PPM1L: variants seen among roughly 807,000 people sequenced by gnomAD.
PPM1L encodes protein phosphatase, Mg2+/Mn2+ dependent 1L.
In PPM1L, 13 loss-of-function variants were observed where a neutral mutation model predicts 31.4. That is an observed-to-expected ratio of 0.41 (90% CI 0.27 to 0.66). PPM1L has a LOEUF of 0.66. Ranked by LOEUF, PPM1L falls within the 30% of genes least tolerant of loss-of-function variation. The pLI, the probability that PPM1L is intolerant of heterozygous loss-of-function variation, is 0.29. For synonymous variants in PPM1L, 184 were observed against 175.4 expected (o/e 1.05, Z -0.39); for missense variants, 326 against 453.7 (o/e 0.72, Z 2.56).
intron 1 of PPM1L, among the ~76,000 whole-genome samples, chr3:160,817,380 G>A (rs761156803): frequency 6.6e-6 from 1 of 152,038 alleles, no homozygotes; most frequent in African/African-American, 2.4e-5. Context: ...GAGATGTGAG[G>A]TAATGAAAGT....
chr3:161,001,164 T>G (rs1288456238), intron 2 of PPM1L, among the ~76,000 whole-genome samples: 1 of 152,144 alleles, frequency 6.6e-6, no homozygotes, highest in African/African-American at 2.4e-5. Flanking sequence ...CACAAACTAT[T>G]TAAATTTAGC....
At chr3:160,757,237 G>C (rs1714834301) in intron 1 of PPM1L, among the ~76,000 whole-genome samples, 1 of 152,214 alleles carries the variant, frequency 6.6e-6, no homozygotes, top group Non-Finnish European at 1.5e-5. Flanking sequence ...GAATCCGAGG[G>C]GCAGCTCTGC....
intron 1 of PPM1L, among the ~76,000 whole-genome samples, chr3:160,768,084 A>C (rs1179477269): frequency 6.6e-6 from 1 of 152,172 alleles, no homozygotes. Context: ...TTACATAGTT[A>C]TATGATAGAT....
In PPM1L at chr3:160,903,800, A is replaced by G. The variant is rs1338222778; in HGVS notation, c.400-57936A>G. ...TTGTTCTCTAGGCGTCTATATTCCA[A>G]TGGAAGAGACAAGTCAAAGGGAAAT... On this transcript the variant is annotated intron_variant, in intron 1 of 3. Transcript: ENST00000498165. 2.7e-5 allele frequency among the ~76,000 whole-genome samples: 4 copies of G among 149,208 alleles called. No homozygotes were observed. The South Asian group carries it at 6.5e-4, about 24-fold the overall frequency.
At chr3:160,809,713 G>A (rs1359795083) in intron 1 of PPM1L, among the ~76,000 whole-genome samples, 1 of 152,026 alleles carries the variant, frequency 6.6e-6, no homozygotes, top group Non-Finnish European at 1.5e-5. Flanking sequence ...TGGGACAGTA[G>A]AGTCCTGGCT....
chr3:161,046,743 G>A (rs1339186949), intron 2 of PPM1L, among the ~76,000 whole-genome samples: 1 of 152,074 alleles, frequency 6.6e-6, no homozygotes, highest in Admixed American at 6.6e-5. Flanking sequence ...TATCCACCAT[G>A]ATCAAGTGAT....
At chr3:160,992,744 G>A (rs1717176261) in intron 2 of PPM1L, among the ~76,000 whole-genome samples, 1 of 152,162 alleles carries the variant, frequency 6.6e-6, no homozygotes, top group Non-Finnish European at 1.5e-5. Context: ...GGTATCTGCT[G>A]GACAGATTTT....
rs1039107180 is a variant in PPM1L, at chr3:160,873,423, T to G, written c.400-88313T>G. Among the ~76,000 whole-genome samples, 160 of 152,208 alleles carry G rather than the reference T, an allele frequency of 1.1e-3. 3 individuals carry two copies. The highest frequency in any genetic ancestry group is 1.3e-4 in the Non-Finnish European group (9 of 68,042). On this transcript the variant is annotated intron_variant, in intron 1 of 3. Transcript: ENST00000498165. ...CAAAACGGCTGACTTATAGGTAGACTATGGAATATTACCTGTCCTTGCCCT... is the reference window on the plus strand; with the variant it reads ...CAAAACGGCTGACTTATAGGTAGACGATGGAATATTACCTGTCCTTGCCCT...
chr3:160,904,969 T>A (rs1252475176), intron 1 of PPM1L, among the ~76,000 whole-genome samples: 2 of 152,094 alleles, frequency 1.3e-5, no homozygotes, highest in Admixed American at 1.3e-4. Context: ...GTGATTTTGG[T>A]GTTGAAAGAT....
chr3:160,798,536 T>C (rs989155770), intron 1 of PPM1L, among the ~76,000 whole-genome samples: 3 of 152,222 alleles, frequency 2.0e-5, no homozygotes, highest in African/African-American at 4.8e-5. Context: ...GCTTGGATGA[T>C]AGCACATCTG....
intron 1 of PPM1L, among the ~76,000 whole-genome samples, chr3:160,891,854 G>C (rs1264343426): frequency 6.6e-6 from 1 of 152,192 alleles, no homozygotes; most frequent in African/African-American, 2.4e-5. Flanking sequence ...CAGGAATGTG[G>C]ATGAAGCTGG....
At chr3:160,911,454 AC>A in intron 1 of PPM1L, among the ~76,000 whole-genome samples, 1 of 152,194 alleles carries the variant, frequency 6.6e-6, no homozygotes, top group East Asian at 1.9e-4. Context: ...CTGGGCTTTG[AC>A]CCCAGAGCCT....
intron 1 of PPM1L, among the ~76,000 whole-genome samples, chr3:160,901,715 G>T (rs1242438581): frequency 6.6e-6 from 1 of 152,034 alleles, no homozygotes; most frequent in Non-Finnish European, 1.5e-5. Flanking sequence ...ATGTCTGTGG[G>T]GATAGGCAAA....
At chr3:160,773,556 C>T (rs1429822224) in intron 1 of PPM1L, among the ~76,000 whole-genome samples, 7 of 152,128 alleles carry the variant, frequency 4.6e-5, no homozygotes, top group South Asian at 2.1e-4. Context: ...GTGCCAGTAC[C>T]GTCAGTGTGT....
intron 1 of PPM1L, among the ~76,000 whole-genome samples, chr3:160,936,818 G>A (rs1318835559): frequency 6.6e-6 from 1 of 151,900 alleles, no homozygotes; most frequent in African/African-American, 2.4e-5. Flanking sequence ...CTTTCTTATG[G>A]TTTATCATGT....
At chr3:160,829,807 TG>T (rs1419332763) in intron 1 of PPM1L, among the ~76,000 whole-genome samples, 2 of 151,866 alleles carry the variant, frequency 1.3e-5, no homozygotes, top group East Asian at 3.9e-4. Flanking sequence ...AGGTGGGAGG[TG>T]GGGGATGAAT....
rs760073190 is a variant in PPM1L, at chr3:161,068,303, G to C, written c.737-508G>C. Among the ~76,000 whole-genome samples the C allele has an allele frequency of 3.3e-5, 5 of 152,330 alleles. No individual in the cohort carries two copies. In the East Asian group the frequency reaches 9.7e-4, roughly 29 times the overall value. On this transcript the variant is annotated intron_variant, in intron 3 of 3. Transcript: ENST00000498165. ...GCCAGGAATCACATTCAAGTAGTCT[G>C]ACCTGAGCCTTTAATGACTATACTA...
In PPM1L at chr3:160,851,440, C is replaced by T. The variant is rs146746093; in HGVS notation, c.399+94733C>T. 3.4e-3 allele frequency among the ~76,000 whole-genome samples: 512 copies of T among 152,152 alleles called. 8 individuals carry two copies. Among genetic ancestry groups the T allele is most frequent in the African/African-American group, 0.011 (471 of 41,508 alleles). ...GCCTGGTTTGTTAGGAGTAAATTAC[C>T]GCTGCCAGTGGATTCCGTGGCTGCT... On this transcript the variant is annotated intron_variant, in intron 1 of 3. Coordinates refer to ENST00000498165, the MANE Select transcript of PPM1L (RefSeq NM_139245.4).
intron 1 of PPM1L, among the ~76,000 whole-genome samples, chr3:160,848,892 T>C (rs1714166791): frequency 6.6e-6 from 1 of 152,226 alleles, no homozygotes; most frequent in African/African-American, 2.4e-5. Flanking sequence ...TCTAGGATCC[T>C]TCTTCTTTAC....
Sources: allele counts gnomAD v4.1 joint callset (sites outside exome capture counted in the v4.1 genomes callset), GRCh38; gene constraint gnomAD v4.1.1; transcripts MANE v1.5; gene names NCBI Gene and HGNC (gene_info 2026-07-23, HGNC 2026-07-21).